Variants in PKHD1 observed in about 807,000 individuals in gnomAD.
PKHD1 encodes PKHD1 ciliary IPT domain containing fibrocystin/polyductin.
Under a neutral mutation model 412.0 loss-of-function variants are expected in PKHD1, and 291 were observed. The ratio of observed to expected loss-of-function variants is 0.71; its 90% CI spans 0.64 to 0.78. The LOEUF (loss-of-function observed/expected upper bound fraction) is 0.78. PKHD1 is among the 30% of genes least tolerant of loss of function. The pLI is 0.00. For synonymous variants in PKHD1, 1,777 were observed against 1,821.5 expected, an observed-to-expected ratio of 0.98 and a Z score of 0.62; for missense variants, 4,825 against 4,950.7, an observed-to-expected ratio of 0.97 and a Z score of 0.76.
chr6:52,010,469 GA>G lies in PKHD1; in HGVS notation c.5601-11del, dbSNP rs764640174. The G allele has an allele frequency of 1.9e-6, 3 of 1,569,906 alleles. No individual in the cohort carries two copies. In the East Asian group the frequency reaches 6.7e-5, roughly 35 times the overall value. ...TCTTTCCAATTTAGGGCTGAAACGA[GA>G]GGGGAGGTTAAATGGGGTGTCATCA... On this transcript the variant is annotated splice_polypyrimidine_tract_variant and intron_variant, in intron 34 of 66. Transcript: ENST00000371117.
chr6:51,895,965 TAAA>T (rs753871981), intron 43 of PKHD1, among the ~76,000 whole-genome samples: 30 of 152,038 alleles, frequency 2.0e-4, no homozygotes, highest in Non-Finnish European at 4.0e-4. Flanking sequence ...CCGACGGGCT[TAAA>T]AAACGGCACA....
chr6:51,855,696 A>T (rs918081179), intron 49 of PKHD1, among the ~76,000 whole-genome samples, 197 bp downstream of exon 49: 4 of 152,234 alleles, frequency 2.6e-5, no homozygotes, highest in African/African-American at 9.6e-5. Context: ...TTTCAAGTTT[A>T]AAAAGCAACC....
intron 53 of PKHD1, among the ~76,000 whole-genome samples, chr6:51,782,048 T>TTTA (rs35407492): frequency 0.58 from 88,064 of 150,616 alleles, 26,489 homozygotes; most frequent in East Asian, 0.83. Context: ...TTATAATAAA[T>TTTA]TTATATGATT....
intron 61 of PKHD1, among the ~76,000 whole-genome samples, chr6:51,657,448 A>C (rs920535791): frequency 6.6e-6 from 1 of 152,180 alleles, no homozygotes; most frequent in African/African-American, 2.4e-5. Flanking sequence ...TTATCTTCAG[A>C]AGATTTACTC....
chr6:51,634,685 C>T (rs2580023), intron 64 of PKHD1, among the ~76,000 whole-genome samples: 1 of 152,034 alleles, frequency 6.6e-6, no homozygotes, highest in Non-Finnish European at 1.5e-5. Context: ...TGATATGATT[C>T]GGGAAAGCAT....
chr6:51,714,905 T>C (rs956617279), intron 60 of PKHD1, among the ~76,000 whole-genome samples: 1 of 152,164 alleles, frequency 6.6e-6, no homozygotes, highest in African/African-American at 2.4e-5. Flanking sequence ...ATCTGAGTTC[T>C]GGCTAGGAAT....
chr6:51,887,845 A>C (rs1778464645), intron 43 of PKHD1, among the ~76,000 whole-genome samples: 2 of 152,218 alleles, frequency 1.3e-5, no homozygotes, highest in Admixed American at 6.5e-5. Context: ...GAATGAACTA[A>C]TAAAAATATT....
intron 53 of PKHD1, among the ~76,000 whole-genome samples, chr6:51,778,842 C>T (rs1003934175): frequency 5.3e-5 from 8 of 152,076 alleles, no homozygotes; most frequent in African/African-American, 1.7e-4. Flanking sequence ...CAAGCCAACC[C>T]GTAAGAAATT....
chr6:52,022,336 A>C (rs182419217), intron 33 of PKHD1, among the ~76,000 whole-genome samples: 1 of 152,338 alleles, frequency 6.6e-6, no homozygotes, highest in Non-Finnish European at 1.5e-5. Flanking sequence ...TAAGAAACCG[A>C]AAACTGAACA....
At chr6:51,653,465 C>G (rs1453810898) in intron 61 of PKHD1, among the ~76,000 whole-genome samples, 1 of 152,122 alleles carries the variant, frequency 6.6e-6, no homozygotes, top group Non-Finnish European at 1.5e-5. Context: ...TATGCATCCC[C>G]TCTGTTCTTA....
intron 43 of PKHD1, among the ~76,000 whole-genome samples, chr6:51,896,366 G>C (rs1048181988): frequency 1.3e-5 from 2 of 151,812 alleles, no homozygotes; most frequent in South Asian, 4.2e-4. Flanking sequence ...CCTGACCCCC[G>C]AGCAGCCTAA....
chr6:51,698,839 C>T (rs577365473), intron 60 of PKHD1, among the ~76,000 whole-genome samples: 1 of 152,310 alleles, frequency 6.6e-6, no homozygotes, highest in East Asian at 1.9e-4. Context: ...TGGGTTTTAA[C>T]AAGATCTCGC....
intron 52 of PKHD1, among the ~76,000 whole-genome samples, chr6:51,822,226 C>T (rs961551646): frequency 6.6e-6 from 1 of 152,068 alleles, no homozygotes; most frequent in Non-Finnish European, 1.5e-5. Context: ...TTGAAGACAC[C>T]GATACAATCC....
chr6:51,880,807 A>C lies in PKHD1; in HGVS notation c.7350+2286T>G, dbSNP rs1364755400. Among the ~76,000 whole-genome samples the C allele has an allele frequency of 5.6e-3, 392 of 70,456 alleles. 25 individuals are homozygous for C. The highest frequency in any genetic ancestry group is 7.3e-3 in the Non-Finnish European group (253 of 34,724). The allele number at this position is 70,456 out of a possible 152,430, so 46.2% of individuals were successfully genotyped here. ...AAAAAAAAAAAAAAAAAAAAAAAAA[A>C]CACAAAAAATTAGCCAGGCGTGGTG... On this transcript the variant is annotated intron_variant, in intron 46 of 66. Coordinates refer to ENST00000371117, the MANE Select transcript of PKHD1 (RefSeq NM_138694.4).
At chr6:51,873,018 A>G (rs1377462636) in intron 46 of PKHD1, among the ~76,000 whole-genome samples, 2 of 151,928 alleles carry the variant, frequency 1.3e-5, no homozygotes, top group African/African-American at 4.8e-5. Context: ...AATCTCCAGG[A>G]TAATGTTCAA....
chr6:52,083,249 T>C lies in PKHD1; in HGVS notation c.59A>G (p.His20Arg), dbSNP rs565174081. The C allele has an allele frequency of 6.2e-6, 10 of 1,601,266 alleles. 1 individual carries two copies. The African/African-American group carries it at 1.1e-4, about 17-fold the overall frequency. ...SIEVLLLAVR[H>R]LSLHIEPEEG... ...TTCAGGTTCAATATGTAAACTCAGG[T>C]GACGTACTGTAAGTAAGTGAAAAAA... Residue 20 changes from histidine to arginine, a missense_variant, in exon 3 of 67, where the codon CAC becomes CGC. His to Arg is a conservative substitution (Grantham distance 29, BLOSUM62 0). Transcript: ENST00000371117.
At chr6:51,664,473 G>C (rs1011766286) in intron 60 of PKHD1, among the ~76,000 whole-genome samples, 2 of 152,206 alleles carry the variant, frequency 1.3e-5, no homozygotes, top group East Asian at 3.9e-4. Context: ...TCAGGAATAA[G>C]ATGACAGAGA....
Position 52,065,084 on chromosome 6 carries a change from TG to T in PKHD1, c.881-35del, listed in dbSNP as rs1562268072. 3 of 1,004,324 alleles carry T rather than the reference TG, an allele frequency of 3.0e-6. No homozygotes were observed. In the Admixed American group the frequency reaches 5.3e-5, roughly 18 times the overall value. The allele number at this position is 1,004,324 out of a possible 1,614,324, so 62.2% of individuals were successfully genotyped here. On this transcript the variant is annotated intron_variant, in intron 12 of 66. Transcript: ENST00000371117. Reference sequence around the variant, plus strand: ...AATTAAAGAAATTTATGTATGTGTGTGTGTGTAGGTATACATATATATGTAT... The same window carrying T: ...AATTAAAGAAATTTATGTATGTGTGTTGTGTAGGTATACATATATATGTAT...
intron 43 of PKHD1, among the ~76,000 whole-genome samples, chr6:51,894,185 G>A (rs552439578): frequency 3.7e-4 from 57 of 152,318 alleles, no homozygotes; most frequent in Middle Eastern, 3.4e-3. Context: ...AAGACAGCCT[G>A]AGGGTGAAGC....
Sources: allele counts gnomAD v4.1 joint callset (sites outside exome capture counted in the v4.1 genomes callset), GRCh38; gene constraint gnomAD v4.1.1; transcripts MANE v1.5; gene names NCBI Gene and HGNC (gene_info 2026-07-23, HGNC 2026-07-21).